PPP6R3: variants seen among roughly 807,000 people sequenced by gnomAD.
PPP6R3 encodes serine/threonine-protein phosphatase 6 regulatory subunit 3.
In PPP6R3, 38 loss-of-function variants were observed where a neutral mutation model predicts 110.7. The observed-to-expected ratio is 0.34, with a 90% CI of 0.26 to 0.45. The LOEUF is 0.45. PPP6R3 is among the 20% of genes least tolerant of loss of function. PPP6R3 has a pLI of 1.00. For synonymous variants in PPP6R3, 369 were observed against 373.5 expected, an observed-to-expected ratio of 0.99 and a Z score of 0.14; for missense variants, 870 against 1,062.4, an observed-to-expected ratio of 0.82 and a Z score of 2.52.
At chr11:68,609,632 T>C in intron 22 of PPP6R3, 1 of 1,552,864 alleles carries the variant, frequency 6.4e-7, no homozygotes, top group Non-Finnish European at 8.7e-7. Flanking sequence ...CCTATCGGTA[T>C]GTACAGTGTT....
At chr11:68,507,357 T>A (rs997158169) in intron 1 of PPP6R3, among the ~76,000 whole-genome samples, 3 of 151,992 alleles carry the variant, frequency 2.0e-5, no homozygotes, top group African/African-American at 7.3e-5. Flanking sequence ...ATTGGCTGAT[T>A]GAGTTGCCTG....
At chr11:68,588,933 A>G (rs2099587239) in intron 16 of PPP6R3, among the ~76,000 whole-genome samples, 1 of 151,934 alleles carries the variant, frequency 6.6e-6, no homozygotes. Context: ...CTGGCCTGGC[A>G]TAGTGGCTCA....
intron 2 of PPP6R3, 130 bp downstream of exon 2, chr11:68,519,781 G>A (rs1592432102): frequency 5.1e-6 from 2 of 392,066 alleles, no homozygotes; most frequent in Non-Finnish European, 9.0e-6. Context: ...GGTACAATAT[G>A]ATTCTGTGGT....
At chr11:68,574,707 A>C (rs1295454110) in intron 13 of PPP6R3, among the ~76,000 whole-genome samples, 1 of 152,236 alleles carries the variant, frequency 6.6e-6, no homozygotes, top group Non-Finnish European at 1.5e-5. Flanking sequence ...TGGCTTCTAA[A>C]GGACTCTTTC....
At chr11:68,497,418 TCA>T (rs1380550566) in intron 1 of PPP6R3, among the ~76,000 whole-genome samples, 1 of 151,938 alleles carries the variant, frequency 6.6e-6, no homozygotes, top group African/African-American at 2.4e-5. Flanking sequence ...AGTGCTGCGA[TCA>T]CTGCTCACTG....
At position 68,613,598 on chromosome 11, in the gene PPP6R3, A is replaced by G; in HGVS notation, c.*481A>G. On this transcript the variant is annotated 3_prime_UTR_variant, in exon 24 of 24. Coordinates refer to ENST00000393800, the MANE Select transcript of PPP6R3 (RefSeq NM_001164161.2). ...GCCGACAAGGAGTTGTAGAATGAAA[A>G]TGCCCTCTAAGTGTTATTTTGGTTG... is the stretch of plus-strand genomic sequence containing the variant. The G allele has an allele frequency of 1.0e-5, 10 of 986,012 alleles. No homozygotes were observed. Among genetic ancestry groups the G allele is most frequent in the Non-Finnish European group, 1.2e-5 (10 of 830,110 alleles). 61.1% of individuals were successfully genotyped at this position (986,012 alleles called of 1,614,324 possible).
At chr11:68,470,519 T>C (rs531534929) in intron 1 of PPP6R3, among the ~76,000 whole-genome samples, 1 of 152,258 alleles carries the variant, frequency 6.6e-6, no homozygotes, top group East Asian at 1.9e-4. Context: ...TGTTAAGATT[T>C]TGTCTTTTTC....
intron 2 of PPP6R3, among the ~76,000 whole-genome samples, chr11:68,531,995 T>A (rs1272763874): frequency 6.6e-6 from 1 of 152,222 alleles, no homozygotes; most frequent in East Asian, 1.9e-4. Context: ...TATGCTAGCA[T>A]TCGACTAGCA....
chr11:68,515,022 T>C (rs1340607552), intron 1 of PPP6R3: 2 of 152,224 alleles, frequency 1.3e-5, no homozygotes, highest in East Asian at 3.8e-4. Flanking sequence ...GCTTTTGATC[T>C]TTCAGGCTCA....
chr11:68,477,712 G>C (rs1314485761), intron 1 of PPP6R3, among the ~76,000 whole-genome samples: 12 of 120,602 alleles, frequency 1.0e-4, no homozygotes, highest in Admixed American at 9.3e-4. Flanking sequence ...GAGAGACAGA[G>C]AGAGACATTG....
intron 5 of PPP6R3, among the ~76,000 whole-genome samples, chr11:68,550,550 G>A (rs562693425): frequency 6.6e-6 from 1 of 152,254 alleles, no homozygotes; most frequent in East Asian, 1.9e-4. Context: ...TGGATTAAAA[G>A]GAGATGGCCA....
chr11:68,612,116 G>T (rs1242491460), intron 23 of PPP6R3, among the ~76,000 whole-genome samples: 1 of 152,222 alleles, frequency 6.6e-6, no homozygotes, highest in South Asian at 2.1e-4. Flanking sequence ...GAGGGGCTAA[G>T]AAATCTACTT....
Position 68,517,152 on chromosome 11 carries a change from C to T in PPP6R3, c.-157-2349C>T, listed in dbSNP as rs960937584. 4.6e-5 allele frequency among the ~76,000 whole-genome samples: 7 copies of T among 150,554 alleles called. No individual in the cohort carries two copies. The South Asian group carries it at 6.3e-4, about 14-fold the overall frequency. Reference sequence around the variant, plus strand: ...CCCCTGTTGGTTGGATGTTGGAAAACGTTGCTAAAATGTTCCATTTTAGGC... The same window carrying T: ...CCCCTGTTGGTTGGATGTTGGAAAATGTTGCTAAAATGTTCCATTTTAGGC... On this transcript the variant is annotated intron_variant, in intron 1 of 23. Coordinates refer to ENST00000393800, the MANE Select transcript of PPP6R3 (RefSeq NM_001164161.2).
intron 1 of PPP6R3, among the ~76,000 whole-genome samples, chr11:68,507,660 T>A (rs1402529036): frequency 1.3e-5 from 2 of 152,122 alleles, no homozygotes; most frequent in Non-Finnish European, 2.9e-5. Flanking sequence ...GCAATGGGAT[T>A]TTTGAGATTT....
intron 2 of PPP6R3, among the ~76,000 whole-genome samples, chr11:68,529,034 G>T (rs2099219652): frequency 6.6e-6 from 1 of 152,204 alleles, no homozygotes; most frequent in Admixed American, 6.5e-5. Context: ...ATAATCAAGG[G>T]ATGCTGTGAG....
At chr11:68,503,943 G>A (rs1220564483) in intron 1 of PPP6R3, among the ~76,000 whole-genome samples, 1 of 152,220 alleles carries the variant, frequency 6.6e-6, no homozygotes, top group Non-Finnish European at 1.5e-5. Flanking sequence ...TGTGGAAACA[G>A]GCTTTCACAC....
chr11:68,550,303 G>A (rs953270033), intron 5 of PPP6R3, among the ~76,000 whole-genome samples: 3 of 152,084 alleles, frequency 2.0e-5, no homozygotes, highest in Non-Finnish European at 4.4e-5. Context: ...TTTCTTCTCT[G>A]TTCCTTAAGC....
intron 18 of PPP6R3, among the ~76,000 whole-genome samples, chr11:68,592,588 C>G (rs888881550): frequency 1.3e-5 from 2 of 152,146 alleles, no homozygotes; most frequent in African/African-American, 2.4e-5. Context: ...CTGTGTTTGT[C>G]TCTACAGTCC....
At chr11:68,516,631 T>C (rs1019675307) in intron 1 of PPP6R3, among the ~76,000 whole-genome samples, 1 of 152,244 alleles carries the variant, frequency 6.6e-6, no homozygotes, top group Non-Finnish European at 1.5e-5. Context: ...GTTTTAGCTG[T>C]TGTGAGTAAT....
Sources: allele counts gnomAD v4.1 joint callset (sites outside exome capture counted in the v4.1 genomes callset), GRCh38; gene constraint gnomAD v4.1.1; transcripts MANE v1.5; gene names NCBI Gene and HGNC (gene_info 2026-07-23, HGNC 2026-07-21).